Variants in CNNM3 observed in about 807,000 individuals in gnomAD.
CNNM3 encodes the protein cyclin and CBS domain divalent metal cation transport mediator 3, also known as metal transporter CNNM3.
In CNNM3, 47 loss-of-function variants were observed where a neutral mutation model predicts 57.1. That is an observed-to-expected ratio of 0.82 (90% CI 0.65 to 1.05). CNNM3 has a LOEUF of 1.05. CNNM3 is among the 50% of genes least tolerant of loss of function. The pLI, the probability that CNNM3 is intolerant of heterozygous loss-of-function variation, is 0.00. For synonymous variants in CNNM3, 507 were observed against 478.2 expected (o/e 1.06, Z -0.79); for missense variants, 957 against 973.7 (o/e 0.98, Z 0.23).
downstream of CNNM3, chr2:96,837,284 A>T (rs2079702286): frequency 6.6e-6 from 1 of 152,214 alleles, no homozygotes; most frequent in Non-Finnish European, 1.5e-5. Context: ...CTGTATGTTA[A>T]TTTGAGGAGA....
rs775353845 is a variant in CNNM3 at position 96,828,054 on chromosome 2, A to G, written c.1690-45A>G. 185 of 1,593,452 alleles carry G rather than the reference A, an allele frequency of 1.2e-4. 1 individual carries two copies. The highest frequency in any genetic ancestry group is 1.5e-4 in the Non-Finnish European group (176 of 1,161,876). ...TCCTTCCGCTGTCTTCTGACGGGAA[A>G]GGTAATCTGGCCGCATCTGTTTCTC... is the stretch of plus-strand genomic sequence containing the variant. On this transcript the variant is annotated intron_variant, in intron 4 of 7. Transcript: ENST00000305510.
At chr2:96,830,847 AC>A (rs2079590136) in intron 7 of CNNM3, among the ~76,000 whole-genome samples, 2 of 152,134 alleles carry the variant, frequency 1.3e-5, no homozygotes, top group South Asian at 4.2e-4. Flanking sequence ...TTCTGTGCTT[AC>A]CCACTGTGAT....
At position 96,816,519 on chromosome 2, in the gene CNNM3, C is replaced by CGGAGGGGGCGGGCTGCCG; in HGVS notation, c.248_265dup (p.Gly83_Glu88dup). On this transcript the variant is annotated inframe_insertion, in exon 1 of 8. Coordinates refer to ENST00000305510, the MANE Select transcript of CNNM3 (RefSeq NM_017623.5). ...AACAGCTCTTGGTCCTGGGTGGCCC[C>CGGAGGGGGCGGGCTGCCG]GGAGGGGGCGGGCTGCCGGGAGGAG... 4.3e-6 allele frequency: 6 copies of CGGAGGGGGCGGGCTGCCG among 1,388,176 alleles called. No homozygotes were observed. The highest frequency in any genetic ancestry group is 5.6e-6 in the Non-Finnish European group (6 of 1,069,628). 86.0% of individuals were successfully genotyped at this position (1,388,176 alleles called of 1,614,324 possible). A position where few individuals can be genotyped will look rare whatever the true frequency, so the allele number is the denominator to read the frequency against.
chr2:96,834,580 C>T lies in CNNM3; in HGVS notation c.*1964C>T, dbSNP rs1204674510. 6.6e-6 allele frequency among the ~76,000 whole-genome samples: 1 copy of T among 151,880 alleles called. No homozygotes were observed. The highest frequency in any genetic ancestry group is 1.5e-5 in the Non-Finnish European group (1 of 67,968). ...CCTGGGGTAGTCTCGAACTCCTAGGCTCAAGCGATCCTCCTGCCTCGGCCT... is the reference window on the plus strand; with the variant it reads ...CCTGGGGTAGTCTCGAACTCCTAGGTTCAAGCGATCCTCCTGCCTCGGCCT... On this transcript the variant is annotated 3_prime_UTR_variant, in exon 8 of 8. Transcript: ENST00000305510.
Position 96,816,503 on chromosome 2 carries a change from T to C in CNNM3, c.226T>C (p.Trp76Arg). The C allele has an allele frequency of 7.0e-7, 1 of 1,423,288 alleles. No homozygotes were observed. The highest frequency in any genetic ancestry group is 2.4e-4 in the Middle Eastern group (1 of 4,120). 88.2% of individuals were successfully genotyped at this position (1,423,288 alleles called of 1,614,324 possible). The change falls in exon 1 of 8, where the codon TGG becomes CGG. Residue 76 changes from tryptophan to arginine, a missense_variant. Coordinates refer to ENST00000305510, the MANE Select transcript of CNNM3 (RefSeq NM_017623.5). ...CGGCCCGGGCTTCGCCAACAGCTCTTGGTCCTGGGTGGCCCCGGAGGGGGC... is the reference window on the plus strand; with the variant it reads ...CGGCCCGGGCTTCGCCAACAGCTCTCGGTCCTGGGTGGCCCCGGAGGGGGC... ...LFGPGFANSS[W>R]SWVAPEGAGC...
At position 96,828,348 on chromosome 2, in the gene CNNM3, G is replaced by T. The variant is rs892474537; in HGVS notation, c.1786+153G>T. 1.5e-5 allele frequency: 12 copies of T among 824,658 alleles called. No individual in the cohort carries two copies. In the African/African-American group the frequency reaches 1.6e-4, roughly 11 times the overall value. 51.1% of individuals were successfully genotyped at this position (824,658 alleles called of 1,614,324 possible). A position where few individuals can be genotyped will look rare whatever the true frequency, so the allele number is the denominator to read the frequency against. On this transcript the variant is annotated intron_variant, in intron 5 of 7. Transcript: ENST00000305510. ...GGTGTAGCCCCTGGGCTTCCAGGAG[G>T]GAGGGCAGCATTCTTCATCGCTCAA...
Position 96,832,553 on chromosome 2 carries a change from G to GTCCA in CNNM3, c.2062_2065dup (p.Ser689IlefsTer25). The GTCCA allele has an allele frequency of 1.2e-6, 2 of 1,614,152 alleles. No homozygotes were observed. The highest frequency in any genetic ancestry group is 1.7e-6 in the Non-Finnish European group (2 of 1,180,030). ...TTCTCCTTCCCTTGTCTCCTGTAGG[G>GTCCA]TCCAGCCACAGCAGGCCCGGCGTCC... is the stretch of plus-strand genomic sequence containing the variant. On this transcript the variant is annotated frameshift_variant and splice_region_variant, in exon 8 of 8. Coordinates refer to ENST00000305510, the MANE Select transcript of CNNM3 (RefSeq NM_017623.5). LOFTEE classifies it high-confidence loss of function.
In CNNM3 at chr2:96,833,058, C is replaced by A. The variant is rs1015032364; in HGVS notation, c.*442C>A. Reference sequence around the variant, plus strand: ...TGCCAACCTATCGCTGCTGGCAGCACTTTTTGAGCAAGCCGAGAGCACCCA... The same window carrying A: ...TGCCAACCTATCGCTGCTGGCAGCAATTTTTGAGCAAGCCGAGAGCACCCA... On this transcript the variant is annotated 3_prime_UTR_variant, in exon 8 of 8. Coordinates refer to ENST00000305510, the MANE Select transcript of CNNM3 (RefSeq NM_017623.5). The A allele has an allele frequency of 4.4e-5, 56 of 1,280,002 alleles. No homozygotes were observed. The highest frequency in any genetic ancestry group is 5.3e-5 in the Non-Finnish European group (52 of 979,320). The allele number at this position is 1,280,002 out of a possible 1,614,324, so 79.3% of individuals were successfully genotyped here.
Position 96,828,708 on chromosome 2 carries a change from C to A in CNNM3, c.1920+8C>A. 6.2e-7 allele frequency: 1 copy of A among 1,614,060 alleles called. No individual in the cohort carries two copies. Among genetic ancestry groups the A allele is most frequent in the Non-Finnish European group, 8.5e-7 (1 of 1,179,970 alleles). On this transcript the variant is annotated splice_region_variant and intron_variant, in intron 6 of 7. Transcript: ENST00000305510. Reference sequence around the variant, plus strand: ...GATCTGCAGCTCATCAAGGTGACTGCCTGGGCTGCTTGTGGGTGCTGGCTT... The same window carrying A: ...GATCTGCAGCTCATCAAGGTGACTGACTGGGCTGCTTGTGGGTGCTGGCTT...
At chr2:96,836,405 C>G (rs940482928), downstream of CNNM3, among the ~76,000 whole-genome samples, 2 of 152,062 alleles carry the variant, frequency 1.3e-5, no homozygotes, top group Non-Finnish European at 2.9e-5. Context: ...CCACGCCTGG[C>G]TAATTTTGTA....
chr2:96,816,397 G>A lies in CNNM3; in HGVS notation c.120G>A (p.Glu40=). Residue 40 remains glutamate (E), a synonymous_variant, in exon 1 of 8, where the codon GAG becomes GAA. Coordinates refer to ENST00000305510, the MANE Select transcript of CNNM3 (RefSeq NM_017623.5). ...GAGTGCTGGGCTTCTGCCTGGAGGAGGATGGAGCGGCGGGCGCGGGTTGGG... is the reference window on the plus strand; with the variant it reads ...GAGTGCTGGGCTTCTGCCTGGAGGAAGATGGAGCGGCGGGCGCGGGTTGGG... ...GPRVLGFCLE[E]DGAAGAGWVR... is the part of the protein sequence containing the mutation. 7.3e-7 allele frequency: 1 copy of A among 1,374,384 alleles called. No individual in the cohort carries two copies. The highest frequency in any genetic ancestry group is 9.4e-7 in the Non-Finnish European group (1 of 1,065,874). The allele number at this position is 1,374,384 out of a possible 1,614,324, so 85.1% of individuals were successfully genotyped here. A position where few individuals can be genotyped will look rare whatever the true frequency, so the allele number is the denominator to read the frequency against.
At position 96,832,605 on chromosome 2, in the gene CNNM3, C is replaced by G; in HGVS notation, c.2113C>G (p.Pro705Ala). 1 of 1,613,962 alleles carries G rather than the reference C, an allele frequency of 6.2e-7. No individual in the cohort carries two copies. Among genetic ancestry groups the G allele is most frequent in the Non-Finnish European group, 8.5e-7 (1 of 1,180,032 alleles). ...VPVEGSPGRN[P>A]GV ...GGTGGAAGGCAGCCCTGGGCGGAAC[C>G]CAGGCGTTTAACGGCTCACTAGGCA... The change falls in exon 8 of 8, where the codon CCA becomes GCA. Residue 705 changes from proline (P) to alanine (A), a missense_variant. Around this residue, in one of 2 missense-constraint regions of CNNM3, gnomAD observed 491 missense variants for 570.6 expected, o/e 0.86. Coordinates refer to ENST00000305510, the MANE Select transcript of CNNM3 (RefSeq NM_017623.5).
chr2:96,818,636 G>T (rs1278393126), intron 1 of CNNM3, among the ~76,000 whole-genome samples: 1 of 152,150 alleles, frequency 6.6e-6, no homozygotes, highest in African/African-American at 2.4e-5. Flanking sequence ...TAGCTGAGCA[G>T]TTCGGAGATT....
At chr2:96,828,508 G>T in intron 5 of CNNM3, 59 bp from the exon 6 acceptor site, 1 of 1,608,432 alleles carries the variant, frequency 6.2e-7, no homozygotes, top group Non-Finnish European at 8.5e-7. Flanking sequence ...TCCCCACCAG[G>T]GGAGGAGGCT....
At chr2:96,835,978 G>C (rs2079685811), downstream of CNNM3, among the ~76,000 whole-genome samples, 1 of 152,040 alleles carries the variant, frequency 6.6e-6, no homozygotes, top group South Asian at 2.1e-4. Context: ...CCCATTTTCT[G>C]ATTGGATTGT....
Position 96,832,591 on chromosome 2 carries a change from G to C in CNNM3, c.2099G>C (p.Ser700Thr), listed in dbSNP as rs771063336. The C allele has an allele frequency of 6.2e-7, 1 of 1,614,102 alleles. No homozygotes were observed. Among genetic ancestry groups the C allele is most frequent in the Non-Finnish European group, 8.5e-7 (1 of 1,180,036 alleles). The change falls in exon 8 of 8, where the codon AGC becomes ACC. Residue 700 changes from serine to threonine, a missense_variant. Physicochemically the swap from Ser to Thr is moderately conservative, Grantham distance 58. This residue lies in a region of CNNM3 where 491 missense variants were observed against 570.6 expected (regional missense o/e 0.86). Transcript: ENST00000305510. ...HSRPGVPVEG[S>T]PGRNPGV The stretch of plus-strand genomic sequence containing the variant: ...AGGCCCGGCGTCCCGGTGGAAGGCA[G>C]CCCTGGGCGGAACCCAGGCGTTTAA...
intron 1 of CNNM3, among the ~76,000 whole-genome samples, chr2:96,820,012 C>T (rs1337417680): frequency 1.3e-5 from 2 of 152,084 alleles, no homozygotes; most frequent in African/African-American, 4.8e-5. Context: ...TGTCCCCTGG[C>T]GGGGGGGCTT....
chr2:96,832,705 C>T lies in CNNM3; in HGVS notation c.*89C>T. ...AGCAGAAGTTTTGTGCCCGCCTGCC[C>T]CCATCCCCTCCAGGCCACGTTTTAG... On this transcript the variant is annotated 3_prime_UTR_variant, in exon 8 of 8. Coordinates refer to ENST00000305510, the MANE Select transcript of CNNM3 (RefSeq NM_017623.5). 1 of 1,589,868 alleles carries T rather than the reference C, an allele frequency of 6.3e-7. No individual in the cohort carries two copies.
intron 4 of CNNM3, 85 bp from the exon 5 acceptor site, chr2:96,828,014 G>A (rs2079539070): frequency 6.4e-7 from 1 of 1,560,812 alleles, no homozygotes; most frequent in African/African-American, 1.4e-5. Context: ...CCAAACAATT[G>A]AGGTGGTGGG....
Sources: allele counts gnomAD v4.1 joint callset (sites outside exome capture counted in the v4.1 genomes callset), GRCh38; gene constraint gnomAD v4.1.1; regional missense constraint gnomAD v4.1.1; transcripts MANE v1.5; gene names NCBI Gene and HGNC (gene_info 2026-07-23, HGNC 2026-07-21).